POTEJ: variants seen among roughly 807,000 people sequenced by gnomAD.
The protein encoded by POTEJ is POTE ankyrin domain family member J.
In POTEJ, 11 loss-of-function variants were observed where a neutral mutation model predicts 69.0. That is an observed-to-expected ratio of 0.16 (90% CI 0.10 to 0.26). The LOEUF is 0.26. Ranked by LOEUF, POTEJ falls within the 10% of genes least tolerant of loss-of-function variation. The pLI is 1.00. For synonymous variants in POTEJ, 117 were observed against 381.1 expected, an observed-to-expected ratio of 0.31 and a Z score of 8.07; for missense variants, 327 against 1,045.5, an observed-to-expected ratio of 0.31 and a Z score of 9.48.
intron 9 of POTEJ, among the ~76,000 whole-genome samples, chr2:130,637,612 G>A (rs1686149353): frequency 1.3e-5 from 2 of 152,260 alleles, no homozygotes; most frequent in South Asian, 4.1e-4. Context: ...AAATAGTCAT[G>A]TAAGGTGGTC....
Position 130,624,064 on chromosome 2 carries a change from A to T in POTEJ, c.945A>T (p.Val315=), listed in dbSNP as rs1451605689. 4 of 1,395,524 alleles carry T rather than the reference A, an allele frequency of 2.9e-6. No homozygotes were observed. The Admixed American group carries it at 9.3e-5, about 33-fold the overall frequency. 86.4% of individuals were successfully genotyped at this position (1,395,524 alleles called of 1,614,324 possible). ...REYAVSSHHH[V]ICQLLSDYKE... Reference sequence around the variant, plus strand: ...TGGTTTATTACATTTTTATACATAGAATTTGCCAGTTACTTTCTGACTACA... The same window carrying T: ...TGGTTTATTACATTTTTATACATAGTATTTGCCAGTTACTTTCTGACTACA... The change falls in exon 6 of 15, where the codon GTA becomes GTT. Residue 315 remains valine (V), a splice_region_variant and synonymous_variant. Transcript: ENST00000409602.
rs758245783 is a variant in POTEJ at position 130,656,827 on chromosome 2, C to G, written c.2067C>G (p.Ala689=). The G allele has an allele frequency of 4.4e-6, 7 of 1,604,454 alleles. No individual in the cohort carries two copies. The highest frequency in any genetic ancestry group is 5.9e-6 in the Non-Finnish European group (7 of 1,176,582). ...MCKAGFAGDD[A]PRAVFPSIVG... is the part of the protein sequence containing the mutation. The stretch of plus-strand genomic sequence containing the variant: ...AGGCCGGCTTTGCGGGCGACGATGC[C>G]CCCCGGGCTGTCTTCCCTTCCATCG... The change falls in exon 15 of 15, where the codon GCC becomes GCG. Residue 689 remains alanine, a synonymous_variant. Transcript: ENST00000409602.
At chr2:130,648,781 G>GTTTTTTTTTT (rs761289482) in intron 13 of POTEJ, among the ~76,000 whole-genome samples, 3 of 81,854 alleles carry the variant, frequency 3.7e-5, no homozygotes, top group African/African-American at 1.7e-4. Flanking sequence ...CTTTCTCATA[G>GTTTTTTTTTT]TTTTTTTTTT....
At chr2:130,626,794 G>A (rs1380851936) in intron 6 of POTEJ, among the ~76,000 whole-genome samples, 3 of 152,154 alleles carry the variant, frequency 2.0e-5, no homozygotes, top group Admixed American at 2.0e-4. Flanking sequence ...CATAAAGTTA[G>A]GAATCTCAAC....
intron 6 of POTEJ, among the ~76,000 whole-genome samples, chr2:130,628,933 G>A (rs1353369314): frequency 4.1e-5 from 6 of 146,750 alleles, no homozygotes; most frequent in Middle Eastern, 3.5e-3. Flanking sequence ...CAGGAGAATC[G>A]CTTGAACCAG....
rs748713978 is a variant in POTEJ at position 130,656,813 on chromosome 2, G to C, written c.2053G>C (p.Ala685Pro). 6 of 1,608,888 alleles carry C rather than the reference G, an allele frequency of 3.7e-6. No homozygotes were observed. Among genetic ancestry groups the C allele is most frequent in the Admixed American group, 1.7e-5 (1 of 59,776 alleles). ...CTCTGGCATGTGCAAGGCCGGCTTTGCGGGCGACGATGCCCCCCGGGCTGT... is the reference window on the plus strand; with the variant it reads ...CTCTGGCATGTGCAAGGCCGGCTTTCCGGGCGACGATGCCCCCCGGGCTGT... ...NGSGMCKAGF[A>P]GDDAPRAVFP... Residue 685 changes from alanine (A) to proline (P), a missense_variant, in exon 15 of 15, where the codon GCG (alanine) becomes CCG (proline). Ala to Pro is a conservative substitution (Grantham distance 27). Coordinates refer to ENST00000409602, the MANE Select transcript of POTEJ (RefSeq NM_001277083.2).
At chr2:130,644,405 G>A (rs1206879915) in intron 11 of POTEJ, among the ~76,000 whole-genome samples, 209 of 150,836 alleles carry the variant, frequency 1.4e-3, no homozygotes, top group African/African-American at 4.8e-3. Context: ...AGGAGAGGGA[G>A]CTTGCAGTGA....
chr2:130,657,381 A>G lies in POTEJ; in HGVS notation c.2621A>G (p.Asp874Gly), dbSNP rs748539041. 6.3e-7 allele frequency: 1 copy of G among 1,583,480 alleles called. No homozygotes were observed. Among genetic ancestry groups the G allele is most frequent in the Non-Finnish European group, 8.6e-7 (1 of 1,158,166 alleles). ...ATGGCCGAGCGGGAAATCGTGCGTG[A>G]CATCAAAGAGAAGCTGTGCTATGTT... ...TTMAEREIVR[D>G]IKEKLCYVAL... Residue 874 changes from aspartate (D) to glycine (G), a missense_variant, in exon 15 of 15, where the codon GAC becomes GGC. By Grantham distance (94) the Asp-to-Gly change is moderately conservative. Coordinates refer to ENST00000409602, the MANE Select transcript of POTEJ (RefSeq NM_001277083.2).
At chr2:130,632,134 CT>C (rs1316770372) in intron 8 of POTEJ, among the ~76,000 whole-genome samples, 2 of 150,610 alleles carry the variant, frequency 1.3e-5, no homozygotes, top group East Asian at 3.8e-4. Flanking sequence ...GCATCTTTGT[CT>C]TTTTATTTGC....
rs1685211787 is a variant in POTEJ at position 130,611,678 on chromosome 2, A to G, written c.146A>G (p.Gln49Arg). The stretch of plus-strand genomic sequence containing the variant: ...AGCAACGTGGGCACTTCTGGAGACC[A>G]GGACGACTCCACTATGAAGACACTC... ...GKSNVGTSGD[Q>R]DDSTMKTLRS... Residue 49 changes from glutamine (Q) to arginine (R), a missense_variant, in exon 1 of 15, where the codon CAG (glutamine) becomes CGG (arginine). Coordinates refer to ENST00000409602, the MANE Select transcript of POTEJ (RefSeq NM_001277083.2). 1 of 1,324,336 alleles carries G rather than the reference A, an allele frequency of 7.6e-7. No homozygotes were observed. Among genetic ancestry groups the G allele is most frequent in the African/African-American group, 2.1e-5 (1 of 46,602 alleles). The allele number at this position is 1,324,336 out of a possible 1,614,324, so 82.0% of individuals were successfully genotyped here. A position where few individuals can be genotyped will look rare whatever the true frequency, so the allele number is the denominator to read the frequency against.
chr2:130,648,706 G>C (rs1686684761), intron 13 of POTEJ, among the ~76,000 whole-genome samples: 1 of 134,912 alleles, frequency 7.4e-6, no homozygotes, highest in Non-Finnish European at 1.6e-5. Context: ...GGTCTGTTTT[G>C]CTTGCTGCTC....
chr2:130,656,970 G>T lies in POTEJ; in HGVS notation c.2210G>T (p.Gly737Val), dbSNP rs549584042. The change falls in exon 15 of 15, where the codon GGC (glycine) becomes GTC (valine). Residue 737 changes from glycine (G) to valine (V), a missense_variant. Transcript: ENST00000409602. ...ILTLKYPMEH[G>V]IITNWDDMEK... ...ACCCTGAAGTACCCCATGGAACACG[G>T]CATCATCACCAACTGGGATGACATG... 6.3e-7 allele frequency: 1 copy of T among 1,591,008 alleles called. No homozygotes were observed. Among genetic ancestry groups the T allele is most frequent in the African/African-American group, 1.4e-5 (1 of 69,914 alleles).
intron 9 of POTEJ, among the ~76,000 whole-genome samples, chr2:130,633,606 TC>T (rs1347397482): frequency 3.5e-5 from 5 of 144,220 alleles, no homozygotes; most frequent in Non-Finnish European, 7.6e-5. Flanking sequence ...TTGTTAAAAT[TC>T]TTGTAATATT....
In POTEJ at chr2:130,632,065, T is replaced by A. The variant is rs868526621; in HGVS notation, c.1132-425T>A. 1.4e-5 allele frequency among the ~76,000 whole-genome samples: 2 copies of A among 146,092 alleles called. 1 individual carries two copies. On this transcript the variant is annotated intron_variant, in intron 8 of 14. Transcript: ENST00000409602. ...ATTCCTGAAGCCGCACAGTGTGTCATCCTCTAAATCTGACTGTTTAATGTA... is the reference window on the plus strand; with the variant it reads ...ATTCCTGAAGCCGCACAGTGTGTCAACCTCTAAATCTGACTGTTTAATGTA...
chr2:130,615,829 C>T (rs1201695952), intron 1 of POTEJ, among the ~76,000 whole-genome samples: 1 of 141,372 alleles, frequency 7.1e-6, no homozygotes, highest in Non-Finnish European at 1.5e-5. Flanking sequence ...TTATAACAGT[C>T]TTAAATCCTA....
chr2:130,624,843 T>C (rs1172696661), intron 6 of POTEJ, among the ~76,000 whole-genome samples: 1 of 152,110 alleles, frequency 6.6e-6, no homozygotes, highest in Non-Finnish European at 1.5e-5. Flanking sequence ...TGGAAAGAGA[T>C]ATATTTACTT....
At chr2:130,642,659 T>C (rs1362038388) in intron 10 of POTEJ, among the ~76,000 whole-genome samples, 21 of 152,150 alleles carry the variant, frequency 1.4e-4, no homozygotes, top group Admixed American at 6.5e-5. Context: ...TGTCCAAGCA[T>C]CTTAAAATTA....
chr2:130,648,262 TA>T (rs1259170177), intron 13 of POTEJ, among the ~76,000 whole-genome samples: 2 of 146,816 alleles, frequency 1.4e-5, no homozygotes, highest in East Asian at 3.9e-4. Context: ...ATAATTTTTA[TA>T]ACCTTTAGAA....
chr2:130,642,590 GC>G (rs1686428978), intron 10 of POTEJ, among the ~76,000 whole-genome samples: 3 of 145,100 alleles, frequency 2.1e-5, no homozygotes, highest in African/African-American at 7.8e-5. Flanking sequence ...ATTGGTTTTG[GC>G]ATTGAAATGA....
Sources: gnomAD v4.1 joint callset for allele counts (sites outside exome capture counted in the v4.1 genomes callset) on GRCh38, gnomAD v4.1.1 for gene constraint, MANE v1.5 for transcripts, NCBI Gene and HGNC (gene_info 2026-07-23, HGNC 2026-07-21) for gene names.